Variants in CHD2 observed in about 807,000 individuals in gnomAD.
CHD2 encodes the protein chromodomain helicase DNA binding protein 2.
Under a neutral mutation model 243.9 loss-of-function variants are expected in CHD2, and 28 were observed. That is an observed-to-expected ratio of 0.11 (90% CI 0.09 to 0.16). The LOEUF (loss-of-function observed/expected upper bound fraction) is 0.16, where lower values mean the gene tolerates loss of function less well. CHD2 is among the 10% of genes least tolerant of loss of function. CHD2 has a pLI of 1.00. For synonymous variants in CHD2, 775 were observed against 779.0 expected (o/e 0.99, Z 0.09); for missense variants, 1,386 against 2,209.8 (o/e 0.63, Z 7.47).
At position 92,967,316 on chromosome 15, in the gene CHD2, C is replaced by T. The variant is rs778472639; in HGVS notation, c.2001-9C>T. ...GTGGCTAAATAACACTATACTGTTT[C>T]TTCCCTAGGTTTGAATTTTGGGAAG... On this transcript the variant is annotated splice_polypyrimidine_tract_variant and intron_variant, in intron 16 of 38. Coordinates refer to ENST00000394196, the MANE Select transcript of CHD2 (RefSeq NM_001271.4). 5.0e-6 allele frequency: 8 copies of T among 1,593,440 alleles called. 1 individual carries two copies. The highest frequency in any genetic ancestry group is 4.5e-5 in the South Asian group (4 of 88,778).
chr15:92,926,941 CT>C (rs1312812353), intron 3 of CHD2, among the ~76,000 whole-genome samples: 1 of 151,736 alleles, frequency 6.6e-6, no homozygotes, highest in African/African-American at 2.4e-5. Flanking sequence ...AATACTTTGT[CT>C]TTAGTGGAAG....
chr15:92,979,845 G>A (rs888903275), intron 22 of CHD2, among the ~76,000 whole-genome samples: 1 of 151,964 alleles, frequency 6.6e-6, no homozygotes, highest in Non-Finnish European at 1.5e-5. Context: ...GTGAACCCGG[G>A]AAGTGGAGCT....
At chr15:92,919,584 G>A (rs925344251) in intron 2 of CHD2, among the ~76,000 whole-genome samples, 1 of 152,040 alleles carries the variant, frequency 6.6e-6, no homozygotes, top group African/African-American at 2.4e-5. Context: ...TAGAGATGGG[G>A]TTTCACCGTG....
intron 17 of CHD2, among the ~76,000 whole-genome samples, chr15:92,970,964 C>T (rs1567146924): frequency 6.6e-6 from 1 of 152,136 alleles, no homozygotes; most frequent in African/African-American, 2.4e-5. Context: ...CTGTATTTCT[C>T]CTCCAAATTT....
chr15:92,941,369 C>G (rs1372303114), intron 7 of CHD2, among the ~76,000 whole-genome samples: 2 of 151,972 alleles, frequency 1.3e-5, no homozygotes, highest in Non-Finnish European at 2.9e-5. Context: ...ATTTCATATT[C>G]TTATTACTGG....
In CHD2 at chr15:92,992,847, G is replaced by A; in HGVS notation, c.3456-12G>A. On this transcript the variant is annotated splice_polypyrimidine_tract_variant and intron_variant, in intron 27 of 38. Coordinates refer to ENST00000394196, the MANE Select transcript of CHD2 (RefSeq NM_001271.4). Reference sequence around the variant, plus strand: ...AGGGTCCTAAAGTGTCCCCATATTTGTTCCTCCTCAGGCTGGAGTGCATAG... The same window carrying A: ...AGGGTCCTAAAGTGTCCCCATATTTATTCCTCCTCAGGCTGGAGTGCATAG... 1 of 1,611,830 alleles carries A rather than the reference G, an allele frequency of 6.2e-7. No individual in the cohort carries two copies. The highest frequency in any genetic ancestry group is 8.5e-7 in the Non-Finnish European group (1 of 1,179,952).
intron 5 of CHD2, among the ~76,000 whole-genome samples, chr15:92,934,706 C>T (rs1346304237): frequency 3.3e-5 from 5 of 152,222 alleles, no homozygotes; most frequent in Non-Finnish European, 5.9e-5. Context: ...CCATTCTTCA[C>T]AGTGACTTAG....
At chr15:92,951,620 C>T (rs1379987149) in intron 13 of CHD2, among the ~76,000 whole-genome samples, 1 of 152,164 alleles carries the variant, frequency 6.6e-6, no homozygotes, top group East Asian at 1.9e-4. Flanking sequence ...TTCAAACCTA[C>T]TGTAGTCTGT....
chr15:93,023,573 A>G lies in CHD2; in HGVS notation c.5154-799A>G, dbSNP rs574913629. 5.9e-5 allele frequency among the ~76,000 whole-genome samples: 9 copies of G among 152,282 alleles called. No individual in the cohort carries two copies. The East Asian group carries it at 1.7e-3, about 29-fold the overall frequency. ...TTCTTTACGTTTTTAGGAAACACCA[A>G]AATGTTTCTACGATGGCTGAACCAT... is the stretch of plus-strand genomic sequence containing the variant. On this transcript the variant is annotated intron_variant, in intron 38 of 38. Coordinates refer to ENST00000394196, the MANE Select transcript of CHD2 (RefSeq NM_001271.4).
chr15:92,911,119 C>CTT (rs2052726455), intron 2 of CHD2, among the ~76,000 whole-genome samples: 1 of 152,192 alleles, frequency 6.6e-6, no homozygotes, highest in South Asian at 2.1e-4. Flanking sequence ...ATACTTGTAA[C>CTT]TTTGCATTTT....
At chr15:92,912,573 G>T (rs2052757373) in intron 2 of CHD2, among the ~76,000 whole-genome samples, 2 of 152,172 alleles carry the variant, frequency 1.3e-5, no homozygotes, top group African/African-American at 2.4e-5. Context: ...TCGCTTTGTT[G>T]CCTGAGCTAG....
In CHD2 at chr15:92,904,524, C is replaced by T. The variant is rs530681786; in HGVS notation, c.62+3225C>T. 5.4e-4 allele frequency: 536 copies of T among 996,798 alleles called. No individual in the cohort carries two copies. The Middle Eastern group carries it at 0.02, about 36-fold the overall frequency. The allele number at this position is 996,798 out of a possible 1,614,324, so 61.7% of individuals were successfully genotyped here. A position where few individuals can be genotyped will look rare whatever the true frequency, so the allele number is the denominator to read the frequency against. On this transcript the variant is annotated intron_variant, in intron 2 of 38. Transcript: ENST00000394196. ...GAAGGGAACTCTAGTTGGGACTTTC[C>T]GGTGGGCGGCTTCTTTCCTGGACGC...
chr15:92,948,571 C>T (rs899760275), intron 12 of CHD2, among the ~76,000 whole-genome samples: 3 of 152,150 alleles, frequency 2.0e-5, no homozygotes, highest in African/African-American at 4.8e-5. Context: ...CGGTGGCTCA[C>T]GCCTGTAATC....
intron 17 of CHD2, 106 bp from the exon 18 acceptor site, chr15:92,971,659 C>A: frequency 1.1e-6 from 1 of 907,946 alleles, no homozygotes. Flanking sequence ...CTTTTTTAGG[C>A]CTCTTTTTTT....
chr15:92,926,968 C>T (rs1055015562), intron 3 of CHD2, among the ~76,000 whole-genome samples: 6 of 118,126 alleles, frequency 5.1e-5, no homozygotes, highest in African/African-American at 1.9e-4. Context: ...GCTGTCTTAC[C>T]TTTCTGTATT....
At chr15:92,978,144 G>A in intron 20 of CHD2, 90 bp from the exon 21 acceptor site, 2 of 1,478,978 alleles carry the variant, frequency 1.4e-6, no homozygotes, top group Non-Finnish European at 1.9e-6. Flanking sequence ...CTTCACACCT[G>A]CAGGGGTTTC....
In CHD2 at chr15:93,020,169, C is replaced by G; in HGVS notation, c.5064C>G (p.Ser1688Arg). The part of the protein sequence containing the change: ...RRHMDAHRSG[S>R]YRPNNMSRKR... ...ATATGGATGCCCACCGTTCCGGAAG[C>G]TATCGACCCAACAACATGTCCAGAA... The change falls in exon 38 of 39, where the codon AGC (serine) becomes AGG (arginine). Residue 1688 changes from serine (S) to arginine (R), a missense_variant. Ser to Arg is a moderately radical substitution (Grantham distance 110). Coordinates refer to ENST00000394196, the MANE Select transcript of CHD2 (RefSeq NM_001271.4). The G allele has an allele frequency of 6.2e-7, 1 of 1,614,082 alleles. No homozygotes were observed. The highest frequency in any genetic ancestry group is 8.5e-7 in the Non-Finnish European group (1 of 1,180,008).
chr15:92,935,017 T>G (rs1176765080), intron 5 of CHD2, among the ~76,000 whole-genome samples: 1 of 147,266 alleles, frequency 6.8e-6, no homozygotes, highest in Non-Finnish European at 1.5e-5. Context: ...TTTGCTAAGT[T>G]TTTTTTTTCT....
rs577115551 is a variant in CHD2 at position 92,980,597 on chromosome 15, A to G, written c.2877-218A>G. Among the ~76,000 whole-genome samples, 4 of 152,342 alleles carry G rather than the reference A, an allele frequency of 2.6e-5. No individual in the cohort carries two copies. In the South Asian group the frequency reaches 8.3e-4, roughly 32 times the overall value. ...GGCTTACCCATGCAATAGGTGAACC[A>G]GTAGGACTGTAACTAATTTTCTATT... is the stretch of plus-strand genomic sequence containing the variant. On this transcript the variant is annotated intron_variant, in intron 22 of 38. Transcript: ENST00000394196.
Sources: gnomAD v4.1 joint callset for allele counts (sites outside exome capture counted in the v4.1 genomes callset) on GRCh38, gnomAD v4.1.1 for gene constraint, MANE v1.5 for transcripts, NCBI Gene and HGNC (gene_info 2026-07-23, HGNC 2026-07-21) for gene names.